Variants in FRAS1 observed in about 807,000 individuals in gnomAD.
The protein encoded by FRAS1 is Fraser extracellular matrix complex subunit 1.
In FRAS1, 290 loss-of-function variants were observed where a neutral mutation model predicts 435.2. That is an observed-to-expected ratio of 0.67 (90% CI 0.61 to 0.73). The LOEUF is 0.73. FRAS1 is among the 30% of genes least tolerant of loss of function. The pLI, the probability that FRAS1 is intolerant of heterozygous loss-of-function variation, is 0.00. For synonymous variants in FRAS1, 1,800 were observed against 1,851.0 expected, an observed-to-expected ratio of 0.97 and a Z score of 0.71; for missense variants, 4,860 against 5,001.5, an observed-to-expected ratio of 0.97 and a Z score of 0.85.
chr4:78,390,154 T>C (rs1732387421), intron 29 of FRAS1, among the ~76,000 whole-genome samples: 1 of 152,238 alleles, frequency 6.6e-6, no homozygotes, highest in African/African-American at 2.4e-5. Context: ...CAAAATATTT[T>C]TTCCTTATAT....
At chr4:78,368,505 G>A (rs1298567614) in intron 22 of FRAS1, among the ~76,000 whole-genome samples, 3 of 151,884 alleles carry the variant, frequency 2.0e-5, no homozygotes, top group Non-Finnish European at 4.4e-5. Context: ...TGCAATATCT[G>A]GCTTTATTTC....
intron 15 of FRAS1, among the ~76,000 whole-genome samples, chr4:78,308,804 C>T (rs1046213871): frequency 2.0e-5 from 3 of 152,172 alleles, no homozygotes; most frequent in Non-Finnish European, 2.9e-5. Flanking sequence ...GCATGGCTTT[C>T]GGCACATTAG....
intron 2 of FRAS1, among the ~76,000 whole-genome samples, chr4:78,199,662 T>C (rs895705932): frequency 6.6e-6 from 1 of 152,236 alleles, no homozygotes; most frequent in East Asian, 1.9e-4. Flanking sequence ...AAGAGATTCG[T>C]GAGAAGACCT....
chr4:78,343,193 T>C (rs1371380763), intron 20 of FRAS1, among the ~76,000 whole-genome samples: 1 of 152,224 alleles, frequency 6.6e-6, no homozygotes, highest in Non-Finnish European at 1.5e-5. Context: ...ATGTGTGCTG[T>C]GAATCTTTAA....
At chr4:78,112,603 G>C (rs572141246) in intron 2 of FRAS1, among the ~76,000 whole-genome samples, 209 of 152,190 alleles carry the variant, frequency 1.4e-3, no homozygotes, top group African/African-American at 4.9e-3. Flanking sequence ...TACTATGTAA[G>C]TAGTACTTGT....
At chr4:78,410,413 AAAT>A (rs1733286369) in intron 31 of FRAS1, among the ~76,000 whole-genome samples, 1 of 150,330 alleles carries the variant, frequency 6.7e-6, no homozygotes. Flanking sequence ...TAAAAAATAA[AAAT>A]AAATAAATAA....
chr4:78,181,359 C>T, intron 2 of FRAS1: 1 of 1,611,708 alleles, frequency 6.2e-7, no homozygotes, highest in Non-Finnish European at 8.5e-7. Flanking sequence ...TCAGTTAATT[C>T]GTCTTTGACA....
At position 78,536,999 on chromosome 4, in the gene FRAS1, A is replaced by T; in HGVS notation, c.11097A>T (p.Gln3699His). The change falls in exon 72 of 74, where the codon CAA (glutamine) becomes CAT (histidine). Residue 3699 changes from glutamine (Q) to histidine (H), a missense_variant. Transcript: ENST00000512123. ...MDYKGAFSKG[Q>H]ILYGRVLWNP... Reference sequence around the variant, plus strand: ...AATACCTTTCAATCTTTTCAGGTCAAATCCTTTATGGCCGAGTACTTTGGA... The same window carrying T: ...AATACCTTTCAATCTTTTCAGGTCATATCCTTTATGGCCGAGTACTTTGGA... The T allele has an allele frequency of 6.2e-7, 1 of 1,613,594 alleles. No homozygotes were observed. Among genetic ancestry groups the T allele is most frequent in the Non-Finnish European group, 8.5e-7 (1 of 1,179,606 alleles).
chr4:78,232,270 G>T (rs1332669624), intron 2 of FRAS1, among the ~76,000 whole-genome samples: 2 of 151,674 alleles, frequency 1.3e-5, no homozygotes, highest in Non-Finnish European at 2.9e-5. Flanking sequence ...GTTCCATAGA[G>T]ATATTAATAC....
At chr4:78,337,044 C>G (rs1730197676) in intron 19 of FRAS1, among the ~76,000 whole-genome samples, 1 of 151,816 alleles carries the variant, frequency 6.6e-6, no homozygotes, top group African/African-American at 2.4e-5. Context: ...ATAGCTTTGG[C>G]ATAACTTTGT....
At chr4:78,098,067 C>T (rs1005817914) in intron 2 of FRAS1, among the ~76,000 whole-genome samples, 13 of 151,862 alleles carry the variant, frequency 8.6e-5, no homozygotes, top group South Asian at 4.2e-4. Flanking sequence ...TGTAGTAATT[C>T]GTTATGGCAG....
intron 32 of FRAS1, among the ~76,000 whole-genome samples, chr4:78,415,119 G>A (rs1042923074): frequency 6.6e-6 from 1 of 152,176 alleles, no homozygotes; most frequent in Admixed American, 6.5e-5. Context: ...AGTCCCCAAA[G>A]TCCATTGTAT....
chr4:78,413,905 C>T (rs570801864), intron 32 of FRAS1, among the ~76,000 whole-genome samples: 2 of 152,256 alleles, frequency 1.3e-5, no homozygotes, highest in South Asian at 2.1e-4. Flanking sequence ...AGGGTGAGTG[C>T]TGTAATGCCA....
At chr4:78,523,053 T>C (rs1002812253) in intron 69 of FRAS1, among the ~76,000 whole-genome samples, 2 of 152,038 alleles carry the variant, frequency 1.3e-5, no homozygotes, top group African/African-American at 4.8e-5. Flanking sequence ...GCCACTGCAC[T>C]CCAGCCTGGG....
chr4:78,173,561 C>CCTT (rs1386509412), intron 2 of FRAS1, among the ~76,000 whole-genome samples: 17 of 152,156 alleles, frequency 1.1e-4, no homozygotes, highest in Admixed American at 9.2e-4. Context: ...AGGCATCCTG[C>CCTT]CTTCTACACA....
chr4:78,238,601 G>A (rs1239876658), intron 3 of FRAS1, among the ~76,000 whole-genome samples: 4 of 152,046 alleles, frequency 2.6e-5, no homozygotes, highest in Non-Finnish European at 5.9e-5. Context: ...GAAGCTGGGA[G>A]TACTTTAAGT....
At position 78,452,240 on chromosome 4, in the gene FRAS1, A is replaced by C. The variant is rs772381005; in HGVS notation, c.6649A>C (p.Lys2217Gln). 6.2e-7 allele frequency: 1 copy of C among 1,613,734 alleles called. No homozygotes were observed. The highest frequency in any genetic ancestry group is 8.5e-7 in the Non-Finnish European group (1 of 1,179,778). Residue 2217 changes from lysine (K) to glutamine (Q), a missense_variant, in exon 47 of 74, where the codon AAA becomes CAA. Transcript: ENST00000512123. ...GLVLDENSVK[K>Q]ITTLQLSATD... ...GGTCTTGGATGAAAACTCAGTGAAGAAAATCACCACCCTGCAGCTGTCTGC... is the reference window on the plus strand; with the variant it reads ...GGTCTTGGATGAAAACTCAGTGAAGCAAATCACCACCCTGCAGCTGTCTGC...
intron 4 of FRAS1, among the ~76,000 whole-genome samples, chr4:78,246,245 T>C (rs934832401): frequency 2.6e-5 from 4 of 152,206 alleles, no homozygotes; most frequent in African/African-American, 9.7e-5. Flanking sequence ...TTCCACCTGA[T>C]ACAAAACTTT....
intron 2 of FRAS1, among the ~76,000 whole-genome samples, chr4:78,119,070 A>G (rs1292930219): frequency 8.5e-5 from 13 of 152,204 alleles, no homozygotes; most frequent in Admixed American, 8.5e-4. Flanking sequence ...CTTTTAAAAA[A>G]ATAATTGTAT....
Sources: gnomAD v4.1 joint callset for allele counts (sites outside exome capture counted in the v4.1 genomes callset) on GRCh38, gnomAD v4.1.1 for gene constraint, MANE v1.5 for transcripts, NCBI Gene and HGNC (gene_info 2026-07-23, HGNC 2026-07-21) for gene names.